Variants in SLC4A4 observed in about 807,000 individuals in gnomAD.
SLC4A4 encodes the protein solute carrier family 4 member 4.
A neutral mutation model predicts 111.5 loss-of-function variants in SLC4A4; 27 were observed. The ratio of observed to expected loss-of-function variants is 0.24; its 90% CI spans 0.18 to 0.33. The LOEUF (loss-of-function observed/expected upper bound fraction) is 0.33, where lower values mean the gene tolerates loss of function less well. Among genes scored for constraint, SLC4A4 ranks in the 10% least tolerant of loss-of-function variants. The probability of loss-of-function intolerance (pLI) is 1.00; values close to 1 mark genes in which losing one functional copy is unlikely to be tolerated. For missense variants in SLC4A4, 909 were observed against 1,315.5 expected (o/e 0.69, Z 4.78); for synonymous variants, 443 against 463.4 (o/e 0.96, Z 0.57).
chr4:71,295,318 G>A (rs570219355), intron 3 of SLC4A4, among the ~76,000 whole-genome samples: 1 of 152,118 alleles, frequency 6.6e-6, no homozygotes, highest in Non-Finnish European at 1.5e-5. Flanking sequence ...GAGCTGAGGG[G>A]ACAGATTAGA....
At chr4:71,321,210 A>G (rs1727094017) in intron 3 of SLC4A4, among the ~76,000 whole-genome samples, 1 of 152,040 alleles carries the variant, frequency 6.6e-6, no homozygotes, top group Admixed American at 6.6e-5. Context: ...ATAATTTAGA[A>G]GGAAGTTTAT....
At chr4:71,286,239 CA>C (rs1014606124) in intron 3 of SLC4A4, among the ~76,000 whole-genome samples, 6 of 150,930 alleles carry the variant, frequency 4.0e-5, no homozygotes, top group Non-Finnish European at 8.9e-5. Context: ...GACTCCATCT[CA>C]AAAAAAAAGT....
intron 2 of SLC4A4, among the ~76,000 whole-genome samples, chr4:71,177,284 A>T (rs1350913891): frequency 6.6e-6 from 1 of 152,200 alleles, no homozygotes; most frequent in East Asian, 1.9e-4. Context: ...CGAGCAAAAT[A>T]ACCAGCTAAC....
At chr4:71,083,283 T>G (rs1742044627) in intron 1 of SLC4A4, among the ~76,000 whole-genome samples, 1 of 151,854 alleles carries the variant, frequency 6.6e-6, no homozygotes, top group Non-Finnish European at 1.5e-5. Flanking sequence ...GTTTTTTTTT[T>G]CATTTAAACT....
intron 3 of SLC4A4, among the ~76,000 whole-genome samples, chr4:71,312,202 C>T (rs1264604427): frequency 2.6e-5 from 4 of 152,086 alleles, no homozygotes; most frequent in Non-Finnish European, 5.9e-5. Context: ...ACATGTACAG[C>T]CTCCTAAGAT....
chr4:71,464,310 C>T (rs1002581004), intron 12 of SLC4A4, among the ~76,000 whole-genome samples: 1 of 152,136 alleles, frequency 6.6e-6, no homozygotes, highest in African/African-American at 2.4e-5. Flanking sequence ...TCCCTTGAAT[C>T]TCAATGTCTA....
rs542504849 is a variant in SLC4A4 at position 71,089,276 on chromosome 4, G to A, written c.-64-3454G>A. Among the ~76,000 whole-genome samples the A allele has an allele frequency of 2.6e-5, 4 of 152,026 alleles. No homozygotes were observed. In the South Asian group the frequency reaches 8.3e-4, roughly 32 times the overall value. ...GTCCTTTAAAGACTTCTCTGCATTG[G>A]TTATTCTAGTTGGCCATTTGTCTAA... is the stretch of plus-strand genomic sequence containing the variant. On this transcript the variant is annotated intron_variant, in intron 1 of 26. Coordinates refer to the SLC4A4 transcript ENST00000649996.
chr4:71,201,138 T>A (rs1269220415), intron 1 of SLC4A4, among the ~76,000 whole-genome samples: 3 of 152,160 alleles, frequency 2.0e-5, no homozygotes, highest in East Asian at 3.9e-4. Context: ...TTACTGGGAC[T>A]TGTACTGAGG....
intron 8 of SLC4A4, among the ~76,000 whole-genome samples, chr4:71,442,362 C>T (rs943337024): frequency 7.9e-5 from 12 of 152,202 alleles, no homozygotes; most frequent in Middle Eastern, 3.4e-3. Context: ...TTCAAGGCAA[C>T]GTAATTCAAT....
intron 1 of SLC4A4, among the ~76,000 whole-genome samples, chr4:71,072,902 G>C (rs754975758): frequency 2.3e-4 from 35 of 151,984 alleles, no homozygotes; most frequent in Admixed American, 6.6e-4. Context: ...TGAGAAGCTG[G>C]GGCTAAAGGT....
chr4:71,346,149 T>C (rs766056928), intron 4 of SLC4A4, among the ~76,000 whole-genome samples: 113 of 152,106 alleles, frequency 7.4e-4, no homozygotes, highest in Non-Finnish European at 7.9e-4. Context: ...TCCCAGTGGG[T>C]CTTTTTTTTC....
intron 16 of SLC4A4, among the ~76,000 whole-genome samples, chr4:71,518,890 TG>T (rs1182458723): frequency 1.3e-5 from 2 of 152,094 alleles, no homozygotes; most frequent in South Asian, 2.1e-4. Context: ...TCTGGGGTTG[TG>T]GGGGCCTACC....
intron 2 of SLC4A4, among the ~76,000 whole-genome samples, chr4:71,125,294 A>G (rs761761854): frequency 2.1e-4 from 32 of 152,244 alleles, no homozygotes; most frequent in Non-Finnish European, 3.2e-4. Flanking sequence ...TGTAGTAAAA[A>G]GAATGCAACT....
intron 12 of SLC4A4, among the ~76,000 whole-genome samples, chr4:71,461,537 C>A (rs1726824093): frequency 6.6e-6 from 1 of 152,152 alleles, no homozygotes; most frequent in South Asian, 2.1e-4. Flanking sequence ...GTTTCATCAT[C>A]TTGAATGTGC....
chr4:71,567,730 G>T, intron 25 of SLC4A4, 58 bp from the exon 26 acceptor site: 2 of 779,946 alleles, frequency 2.6e-6, no homozygotes, highest in South Asian at 3.5e-5. Context: ...ATAAACATTT[G>T]ACAGATGATG....
At chr4:71,433,157 T>G (rs780607629) in intron 7 of SLC4A4, among the ~76,000 whole-genome samples, 2 of 151,890 alleles carry the variant, frequency 1.3e-5, no homozygotes, top group African/African-American at 2.4e-5. Context: ...TCTCAAAACC[T>G]CACACAACTT....
chr4:71,339,022 CTT>C (rs1728663686), intron 3 of SLC4A4: 1 of 1,424,364 alleles, frequency 7.0e-7, no homozygotes, highest in African/African-American at 1.4e-5. Context: ...TGGCTTTTGT[CTT>C]ATAATTTTGG....
intron 2 of SLC4A4, among the ~76,000 whole-genome samples, chr4:71,172,039 G>C (rs947677685): frequency 3.3e-5 from 5 of 151,968 alleles, no homozygotes; most frequent in Non-Finnish European, 7.4e-5. Flanking sequence ...CCTGGACTAG[G>C]ACACCAGGCT....
intron 5 of SLC4A4, among the ~76,000 whole-genome samples, chr4:71,350,871 G>T (rs1443830616): frequency 6.6e-6 from 1 of 152,122 alleles, no homozygotes; most frequent in Non-Finnish European, 1.5e-5. Context: ...AGACCCCTTG[G>T]AAAAGTGCAG....
Sources: gnomAD v4.1 joint callset for allele counts (sites outside exome capture counted in the v4.1 genomes callset) on GRCh38, gnomAD v4.1.1 for gene constraint, MANE v1.5 for transcripts, NCBI Gene and HGNC (gene_info 2026-07-23, HGNC 2026-07-21) for gene names.